The following TCEAL7 variants were observed in gnomAD, a reference collection of about 807,000 sequenced individuals.
TCEAL7 encodes the protein transcription elongation factor A protein-like 7.
For synonymous variants in TCEAL7, 22 were observed against 25.5 expected (o/e 0.86, Z 0.42); for missense variants, 63 against 77.9 (o/e 0.81, Z 0.72).
At chrX:103,331,260 A>G in intron 2 of TCEAL7, 117 bp from the exon 3 acceptor site, 5 of 588,136 alleles carry the variant, frequency 8.5e-6, no homozygotes, top group Admixed American at 8.1e-5. Flanking sequence ...GAACTGCCGC[A>G]GACTTATGAG....
chrX:103,331,064 A>C (rs1336428718), intron 2 of TCEAL7, 24 bp downstream of exon 2: 4 of 197,479 alleles, frequency 2.0e-5, no homozygotes, highest in Non-Finnish European at 3.7e-5. Context: ...AGGCACTTAG[A>C]CTGAGATCTC....
chrX:103,331,327 A>G (rs1926510445), intron 2 of TCEAL7, 50 bp from the exon 3 acceptor site: 2 of 1,015,567 alleles, frequency 2.0e-6, no homozygotes, highest in East Asian at 3.3e-5. Flanking sequence ...GAAACTGACA[A>G]TCGTGATTCA....
intron 1 of TCEAL7, 65 bp from the exon 2 acceptor site, chrX:103,330,858 G>A (rs765059984): frequency 9.0e-6 from 1 of 111,123 alleles, no homozygotes; most frequent in African/African-American, 3.3e-5. Context: ...AGAAATCCGG[G>A]GGGCGATGAC....
rs1286968155 is a variant in TCEAL7 at position 103,331,465 on chromosome X, A to G, written c.62A>G (p.Glu21Gly). Reference sequence around the variant, plus strand: ...AAGTGCAGCGTGCCAAAGAGGGAGGAAAAACGCCCGTATGGAGAATTTGAA... The same window carrying G: ...AAGTGCAGCGTGCCAAAGAGGGAGGGAAAACGCCCGTATGGAGAATTTGAA... ...KPKCSVPKRE[E>G]KRPYGEFERQ... The change falls in exon 3 of 3, where the codon GAA (glutamate) becomes GGA (glycine). Residue 21 changes from glutamate to glycine, a missense_variant. Transcript: ENST00000332431. 1.7e-6 allele frequency: 2 copies of G among 1,204,776 alleles called. No homozygotes were observed. The highest frequency in any genetic ancestry group is 3.5e-5 in the African/African-American group (2 of 56,899).
In TCEAL7 at chrX:103,332,199, A is replaced by G. The variant is rs1018672533; in HGVS notation, c.*493A>G. 1 of 124,156 alleles carries G rather than the reference A, an allele frequency of 8.1e-6. No individual in the cohort carries two copies. Among genetic ancestry groups the G allele is most frequent in the Admixed American group, 9.4e-5 (1 of 10,617 alleles). 10.2% of individuals were successfully genotyped at this position (124,156 alleles called of 1,213,427 possible). On this transcript the variant is annotated 3_prime_UTR_variant, in exon 3 of 3. Coordinates refer to ENST00000332431, the MANE Select transcript of TCEAL7 (RefSeq NM_152278.5). ...AAAGTAGACAGTAAAAGAACTTGTC[A>G]ATCGCCTTTGGAAGGCAATGAAACA... is the stretch of plus-strand genomic sequence containing the variant.
At position 103,331,697 on chromosome X, in the gene TCEAL7, T is replaced by C. The variant is rs780051898; in HGVS notation, c.294T>C (p.Tyr98=). The C allele has an allele frequency of 3.3e-5, 38 of 1,163,758 alleles. No homozygotes were observed. Among genetic ancestry groups the C allele is most frequent in the Non-Finnish European group, 3.7e-5 (32 of 871,939 alleles). Residue 98 remains tyrosine, a synonymous_variant, in exon 3 of 3, where the codon TAT becomes TAC. Transcript: ENST00000332431. ...SNHRHSRDRP[Y]PI ...ATAGGCATTCTCGGGACCGTCCTTA[T>C]CCCATTTAATTAATTTCTCTGACAA...
At chrX:103,331,081 T>C in intron 2 of TCEAL7, 41 bp downstream of exon 2, 1 of 217,428 alleles carries the variant, frequency 4.6e-6, no homozygotes, top group East Asian at 1.0e-4. Context: ...TCTCTGAGGA[T>C]AGGAGTCGGG....
At chrX:103,331,322 T>C in intron 2 of TCEAL7, 55 bp from the exon 3 acceptor site, 1 of 996,757 alleles carries the variant, frequency 1.0e-6, no homozygotes, top group Non-Finnish European at 1.3e-6. Flanking sequence ...AGAGAGAAAC[T>C]GACAATCGTG....
chrX:103,331,844 G>T lies in TCEAL7; in HGVS notation c.*138G>T. On this transcript the variant is annotated 3_prime_UTR_variant, in exon 3 of 3. Transcript: ENST00000332431. ...TTGCTGAGATTTACATATGACTCTT[G>T]TCAACATCTCATCTTTTGACCCAAT... 1 of 488,674 alleles carries T rather than the reference G, an allele frequency of 2.0e-6. No homozygotes were observed. Among genetic ancestry groups the T allele is most frequent in the Non-Finnish European group, 3.4e-6 (1 of 292,920 alleles). 40.3% of individuals were successfully genotyped at this position (488,674 alleles called of 1,213,427 possible).
chrX:103,331,393 AC>A lies in TCEAL7; in HGVS notation c.-10del. 8.6e-7 allele frequency: 1 copy of A among 1,158,337 alleles called. No homozygotes were observed. ...TCTCCCTAGAGTTAAGCAGGAAACAACAACAACATCATGCAAAAACCCTGCA... is the reference window on the plus strand; with the variant it reads ...TCTCCCTAGAGTTAAGCAGGAAACAAAACAACATCATGCAAAAACCCTGCA... On this transcript the variant is annotated 5_prime_UTR_variant, in exon 3 of 3. Transcript: ENST00000332431.
intron 2 of TCEAL7, 130 bp from the exon 3 acceptor site, chrX:103,331,247 A>C: frequency 2.0e-6 from 1 of 505,568 alleles, no homozygotes; most frequent in Non-Finnish European, 3.1e-6. Context: ...GAGAGGGTGG[A>C]GGGAACTGCC....
chrX:103,331,878 T>A lies in TCEAL7; in HGVS notation c.*172T>A. The A allele has an allele frequency of 4.5e-6, 2 of 439,912 alleles. No individual in the cohort carries two copies. Among genetic ancestry groups the A allele is most frequent in the Non-Finnish European group, 7.9e-6 (2 of 254,456 alleles). 36.3% of individuals were successfully genotyped at this position (439,912 alleles called of 1,213,427 possible). Reference sequence around the variant, plus strand: ...TCATCTTTTGACCCAATCTTATTCATTTAATAAGAGGTCTCATTCATTTGC... The same window carrying A: ...TCATCTTTTGACCCAATCTTATTCAATTAATAAGAGGTCTCATTCATTTGC... On this transcript the variant is annotated 3_prime_UTR_variant, in exon 3 of 3. Transcript: ENST00000332431.
At chrX:103,330,701 C>G (rs774240689) in intron 1 of TCEAL7, among the ~76,000 whole-genome samples, 1 of 109,473 alleles carries the variant, frequency 9.1e-6, no homozygotes, top group Admixed American at 9.7e-5. Context: ...CACTCAATGC[C>G]GGCCTGTGGT....
chrX:103,331,350 C>A, intron 2 of TCEAL7, 27 bp from the exon 3 acceptor site: 1 of 1,073,114 alleles, frequency 9.3e-7, no homozygotes, highest in Non-Finnish European at 1.2e-6. Flanking sequence ...AGTAATGAAG[C>A]AATTTGTCTT....
At chrX:103,331,249 G>A in intron 2 of TCEAL7, 128 bp from the exon 3 acceptor site, 4 of 517,498 alleles carry the variant, frequency 7.7e-6, no homozygotes, top group Non-Finnish European at 1.2e-5. Context: ...GAGGGTGGAG[G>A]GAACTGCCGC....
Position 103,331,449 on chromosome X carries a change from G to T in TCEAL7, c.46G>T (p.Val16Leu). ...KENEGKPKCS[V>L]PKREEKRPYG... ...AAACGAAGGAAAGCCAAAGTGCAGC[G>T]TGCCAAAGAGGGAGGAAAAACGCCC... Residue 16 changes from valine to leucine, a missense_variant, in exon 3 of 3, where the codon GTG becomes TTG. Coordinates refer to ENST00000332431, the MANE Select transcript of TCEAL7 (RefSeq NM_152278.5). 1 of 1,200,963 alleles carries T rather than the reference G, an allele frequency of 8.3e-7. No individual in the cohort carries two copies. Among genetic ancestry groups the T allele is most frequent in the Non-Finnish European group, 1.1e-6 (1 of 889,814 alleles).
chrX:103,330,409 C>CA (rs1224429494), intron 1 of TCEAL7, 105 bp downstream of exon 1: 11 of 111,409 alleles, frequency 9.9e-5, no homozygotes, highest in African/African-American at 3.6e-4. Context: ...CTTGCTTTCC[C>CA]AAAACCGCTG....
rs1926516776 is a variant in TCEAL7, at chrX:103,331,565, T to C, written c.162T>C (p.Tyr54=). The C allele has an allele frequency of 1.7e-5, 20 of 1,207,110 alleles. No homozygotes were observed. Among genetic ancestry groups the C allele is most frequent in the Non-Finnish European group, 2.1e-5 (19 of 893,539 alleles). ...AAGAATTTAAAGAGGACATAGACTA[T>C]AGGCATTTTAAAGATGAAGAAATGA... is the stretch of plus-strand genomic sequence containing the variant. The part of the protein sequence containing the change: ...SLEEFKEDID[Y]RHFKDEEMTR... Residue 54 remains tyrosine (Y), a synonymous_variant, in exon 3 of 3, where the codon TAT becomes TAC. Transcript: ENST00000332431.
rs1214401987 is a variant in TCEAL7 at position 103,332,146 on chromosome X, G to C, written c.*440G>C. On this transcript the variant is annotated 3_prime_UTR_variant, in exon 3 of 3. Coordinates refer to ENST00000332431, the MANE Select transcript of TCEAL7 (RefSeq NM_152278.5). ...AAAAAATGAATATATGTTTATGTGT[G>C]TATATTACTTGTGTCACAAAAAACC... 1.6e-5 allele frequency: 2 copies of C among 124,129 alleles called. No individual in the cohort carries two copies. Among genetic ancestry groups the C allele is most frequent in the Non-Finnish European group, 3.7e-5 (2 of 54,284 alleles). 10.2% of individuals were successfully genotyped at this position (124,129 alleles called of 1,213,427 possible).
Sources: gnomAD v4.1 joint callset for allele counts (sites outside exome capture counted in the v4.1 genomes callset) on GRCh38, gnomAD v4.1.1 for gene constraint, MANE v1.5 for transcripts, NCBI Gene and HGNC (gene_info 2026-07-23, HGNC 2026-07-21) for gene names.